Variants in GNL3 observed in about 807,000 individuals in gnomAD.
The protein encoded by GNL3 is guanine nucleotide-binding protein-like 3.
A neutral mutation model predicts 70.6 loss-of-function variants in GNL3; 77 were observed. The ratio of observed to expected loss-of-function variants is 1.09; its 90% confidence interval spans 0.91 to 1.32. The LOEUF (loss-of-function observed/expected upper bound fraction) is 1.32, where lower values mean the gene tolerates loss of function less well. GNL3 is among the 40% of genes most tolerant of loss of function. The pLI, the probability that GNL3 is intolerant of heterozygous loss-of-function variation, is 0.00. For synonymous variants in GNL3, 252 were observed against 216.1 expected (o/e 1.17, Z -1.46); for missense variants, 634 against 644.0 (o/e 0.98, Z 0.17).
intron 6 of GNL3, among the ~76,000 whole-genome samples, chr3:52,689,899 C>T (rs1418341042): frequency 6.6e-6 from 1 of 152,168 alleles, no homozygotes; most frequent in Non-Finnish European, 1.5e-5. Context: ...TTGCAGTGAG[C>T]CGATACTGTG....
Position 52,690,653 on chromosome 3 carries a change from A to T in GNL3, c.603A>T (p.Thr201=), listed in dbSNP as rs1377519198. ...WLNYLKKELP[T]VVFRASTKPK... ...ATTATTTGAAGAAAGAATTGCCAAC[A>T]GTGGTGTTCAGAGCCTCAACAAAAC... The change falls in exon 7 of 15, where the codon ACA becomes ACT. Residue 201 remains threonine (T), a synonymous_variant. Transcript: ENST00000418458. 1.2e-6 allele frequency: 2 copies of T among 1,611,382 alleles called. No individual in the cohort carries two copies. The highest frequency in any genetic ancestry group is 2.7e-5 in the African/African-American group (2 of 74,884).
At chr3:52,692,732 GATAA>G (rs2097328529) in intron 9 of GNL3, 136 bp from the exon 10 acceptor site, 1 of 775,266 alleles carries the variant, frequency 1.3e-6, no homozygotes, top group East Asian at 2.4e-5. Context: ...TACAGTTTTA[GATAA>G]ATGTGAAGCA....
chr3:52,686,218 C>T (rs1369670108), intron 1 of GNL3, 113 bp downstream of exon 1: 2 of 1,147,286 alleles, frequency 1.7e-6, no homozygotes, highest in East Asian at 2.4e-5. Flanking sequence ...GGGGTGGGAG[C>T]CTACGCGTAG....
Position 52,690,936 on chromosome 3 carries a change from G to T in GNL3, c.655-9G>T, listed in dbSNP as rs1439755844. On this transcript the variant is annotated splice_polypyrimidine_tract_variant and intron_variant, in intron 7 of 14. Coordinates refer to ENST00000418458, the MANE Select transcript of GNL3 (RefSeq NM_014366.5). ...GTTGCCAGAATAATTCAACTATTTG[G>T]AATTTTAGCGTGTGAAGGCAAAGAA... The T allele has an allele frequency of 6.2e-7, 1 of 1,613,550 alleles. No individual in the cohort carries two copies. Among genetic ancestry groups the T allele is most frequent in the Non-Finnish European group, 8.5e-7 (1 of 1,179,568 alleles).
upstream of GNL3, chr3:52,686,021 T>A (rs1399503707): frequency 9.9e-6 from 8 of 811,472 alleles, no homozygotes; most frequent in Non-Finnish European, 1.8e-5. Flanking sequence ...GTGACGCTCG[T>A]CAGTGGCTTC....
At chr3:52,686,965 CT>C in intron 2 of GNL3, 138 bp downstream of exon 2, 1 of 667,490 alleles carries the variant, frequency 1.5e-6, no homozygotes, top group Non-Finnish European at 2.6e-6. Flanking sequence ...GGCACAAGCT[CT>C]TAGGCATCAG....
At chr3:52,691,801 C>T (rs2154099679) in intron 9 of GNL3, among the ~76,000 whole-genome samples, 172 bp downstream of exon 9, 1 of 150,034 alleles carries the variant, frequency 6.7e-6, no homozygotes, top group East Asian at 2.0e-4. Context: ...CTCTCAGGTT[C>T]AAGTGATTCT....
intron 1 of GNL3, 101 bp downstream of exon 1, chr3:52,686,206 T>C (rs2097309913): frequency 7.6e-7 from 1 of 1,323,262 alleles, no homozygotes; most frequent in East Asian, 2.3e-5. Flanking sequence ...TCTGCTGGTA[T>C]GGGGGTGGGA....
In GNL3 at chr3:52,689,641, A is replaced by C. The variant is rs995514797; in HGVS notation, c.541+435A>C. On this transcript the variant is annotated intron_variant, in intron 6 of 14. Coordinates refer to ENST00000418458, the MANE Select transcript of GNL3 (RefSeq NM_014366.5). The stretch of plus-strand genomic sequence containing the variant: ...GCAGGAAAAAGAAAACCCAGAACAG[A>C]GAATTACAAAGCAGAAAATGGGAAT... 7.9e-5 allele frequency among the ~76,000 whole-genome samples: 12 copies of C among 152,188 alleles called. 1 individual carries two copies. Among genetic ancestry groups the C allele is most frequent in the Admixed American group, 3.9e-4 (6 of 15,282 alleles).
At chr3:52,690,212 C>T (rs1428294319) in intron 6 of GNL3, among the ~76,000 whole-genome samples, 1 of 152,140 alleles carries the variant, frequency 6.6e-6, no homozygotes. Flanking sequence ...CTATAGTTGC[C>T]AGATTTTGCA....
At chr3:52,691,412 G>T in intron 8 of GNL3, 130 bp from the exon 9 acceptor site, 1 of 681,950 alleles carries the variant, frequency 1.5e-6, no homozygotes, top group African/African-American at 1.8e-5. Flanking sequence ...TCTTAGTATT[G>T]AAGTGAAGAC....
At position 52,693,620 on chromosome 3, in the gene GNL3, T is replaced by C. The variant is rs201281677; in HGVS notation, c.1325-12T>C. The C allele has an allele frequency of 2.3e-5, 37 of 1,613,890 alleles. No individual in the cohort carries two copies. The Admixed American group carries it at 6.0e-4, about 26-fold the overall frequency. On this transcript the variant is annotated splice_polypyrimidine_tract_variant and intron_variant, in intron 12 of 14. Coordinates refer to ENST00000418458, the MANE Select transcript of GNL3 (RefSeq NM_014366.5). ...CTCTTACCTGTTTACATGGGCTTGC[T>C]TTCTTTCCCAGCCATCAAGGGCCCT...
At chr3:52,688,566 T>G (rs904835262) in intron 5 of GNL3, among the ~76,000 whole-genome samples, 1 of 151,900 alleles carries the variant, frequency 6.6e-6, no homozygotes, top group African/African-American at 2.4e-5. Context: ...AAAAAAAACG[T>G]TGACATAGTG....
In GNL3 at chr3:52,689,178, A is replaced by C; in HGVS notation, c.513A>C (p.Lys171Asn). Residue 171 changes from lysine (K) to asparagine (N), a missense_variant, in exon 6 of 15, where the codon AAA becomes AAC. Transcript: ENST00000418458. ...VEEAIVQSGQ[K>N]KLVLILNKSD... ...AGGCCATTGTCCAGAGTGGACAGAA[A>C]AAGCTGGTACTTATATTAAATAAAT... 1 of 1,613,542 alleles carries C rather than the reference A, an allele frequency of 6.2e-7. No homozygotes were observed. The highest frequency in any genetic ancestry group is 2.2e-5 in the East Asian group (1 of 44,882).
In GNL3 at chr3:52,687,535, A is replaced by C; in HGVS notation, c.244A>C (p.Arg82=). The stretch of plus-strand genomic sequence containing the variant: ...ACTAAAACAGCAGCAGAAACTTGAC[A>C]GGCAGAAGGAACTAGAAAAGAAAAG... The part of the protein sequence containing the change: ...EELKQQQKLD[R]QKELEKKRKL... Residue 82 remains arginine (R), a synonymous_variant, in exon 4 of 15, where the codon AGG becomes CGG. Transcript: ENST00000418458. 6.2e-7 allele frequency: 1 copy of C among 1,613,734 alleles called. No individual in the cohort carries two copies. The highest frequency in any genetic ancestry group is 8.5e-7 in the Non-Finnish European group (1 of 1,179,588).
At chr3:52,692,773 C>T (rs1335908824) in intron 9 of GNL3, 99 bp from the exon 10 acceptor site, 1 of 863,444 alleles carries the variant, frequency 1.2e-6, no homozygotes, top group Non-Finnish European at 2.0e-6. Context: ...ATCTGACTGA[C>T]TGTGCTGAGT....
chr3:52,691,412 G>A, intron 8 of GNL3, 130 bp from the exon 9 acceptor site: 2 of 681,950 alleles, frequency 2.9e-6, no homozygotes, highest in Non-Finnish European at 5.3e-6. Flanking sequence ...TCTTAGTATT[G>A]AAGTGAAGAC....
intron 6 of GNL3, among the ~76,000 whole-genome samples, chr3:52,689,803 T>C (rs1394579927): frequency 6.6e-6 from 1 of 152,056 alleles, no homozygotes. Context: ...AATACAAATA[T>C]TAGCCGGGCA....
At chr3:52,688,053 A>G in intron 4 of GNL3, 56 bp from the exon 5 acceptor site, 3 of 945,606 alleles carry the variant, frequency 3.2e-6, no homozygotes, top group Non-Finnish European at 5.3e-6. Flanking sequence ...AAATGGAGTT[A>G]GAGGTTACAG....
Sources: allele counts gnomAD v4.1 joint callset (sites outside exome capture counted in the v4.1 genomes callset), GRCh38; gene constraint gnomAD v4.1.1; transcripts MANE v1.5; gene names NCBI Gene and HGNC (gene_info 2026-07-23, HGNC 2026-07-21).